ROBO2: variants seen among roughly 807,000 people sequenced by gnomAD.
The protein encoded by ROBO2 is roundabout guidance receptor 2.
A neutral mutation model predicts 160.8 loss-of-function variants in ROBO2; 53 were observed. That is an observed-to-expected ratio of 0.33 (90% CI 0.26 to 0.41). The LOEUF (loss-of-function observed/expected upper bound fraction) is 0.41, where lower values mean the gene tolerates loss of function less well. ROBO2 is among the 10% of genes least tolerant of loss of function. ROBO2 has a pLI of 1.00. For missense variants in ROBO2, 1,577 were observed against 1,722.4 expected (o/e 0.92, Z 1.49); for synonymous variants, 664 against 611.7 (o/e 1.09, Z -1.26).
At chr3:76,090,765 A>G (rs953913424) in intron 2 of ROBO2, among the ~76,000 whole-genome samples, 8 of 152,194 alleles carry the variant, frequency 5.3e-5, no homozygotes, top group Non-Finnish European at 1.2e-4. Context: ...ACGGAACGGA[A>G]CGGAACGGGA....
chr3:76,478,473 T>C (rs1292845524), intron 2 of ROBO2, among the ~76,000 whole-genome samples: 1 of 151,874 alleles, frequency 6.6e-6, no homozygotes, highest in African/African-American at 2.4e-5. Flanking sequence ...GAAAACTGGC[T>C]AGCCATACGT....
intron 2 of ROBO2, among the ~76,000 whole-genome samples, chr3:76,085,323 GT>G (rs1465199473): frequency 6.6e-6 from 1 of 152,044 alleles, no homozygotes; most frequent in Non-Finnish European, 1.5e-5. Flanking sequence ...TGCTATGCAA[GT>G]TTGTGTTCTT....
intron 2 of ROBO2, among the ~76,000 whole-genome samples, chr3:76,711,591 T>C (rs2107607551): frequency 6.6e-6 from 1 of 152,298 alleles, no homozygotes; most frequent in Non-Finnish European, 1.5e-5. Context: ...ATTAAGCACC[T>C]GTCAAATGGC....
At chr3:76,127,795 G>A (rs906420446) in intron 2 of ROBO2, among the ~76,000 whole-genome samples, 7 of 149,974 alleles carry the variant, frequency 4.7e-5, no homozygotes, top group Non-Finnish European at 8.9e-5. Context: ...TAAGAAACCT[G>A]TTTTACAAAA....
chr3:77,596,689 G>A (rs757052643), exon 19 of ROBO2: 4 of 1,613,858 alleles, frequency 2.5e-6, no homozygotes, highest in Middle Eastern at 1.7e-4. Context: ...GGCCAGCCAC[G>A]AGCTTGCCAG....
At chr3:77,206,075 C>G (rs981161623) in intron 2 of ROBO2, among the ~76,000 whole-genome samples, 2 of 152,096 alleles carry the variant, frequency 1.3e-5, no homozygotes, top group African/African-American at 2.4e-5. Context: ...CTGCGTAACT[C>G]CGGTCTCTGC....
At chr3:76,763,761 T>G (rs1019498268) in intron 2 of ROBO2, among the ~76,000 whole-genome samples, 2 of 151,634 alleles carry the variant, frequency 1.3e-5, no homozygotes, top group African/African-American at 4.8e-5. Context: ...GGAATCGTAT[T>G]CAGTGGACCT....
At chr3:75,997,972 T>C (rs1055900889) in intron 2 of ROBO2, among the ~76,000 whole-genome samples, 1 of 152,178 alleles carries the variant, frequency 6.6e-6, no homozygotes, top group African/African-American at 2.4e-5. Flanking sequence ...ATTTCCAAAG[T>C]CTTATGACAT....
At chr3:77,187,632 AT>A (rs1239528882) in intron 2 of ROBO2, among the ~76,000 whole-genome samples, 1 of 151,802 alleles carries the variant, frequency 6.6e-6, no homozygotes, top group Non-Finnish European at 1.5e-5. Context: ...ACATATTAGT[AT>A]TTTTTGAAAA....
chr3:76,867,953 T>A (rs1221096247), intron 2 of ROBO2, among the ~76,000 whole-genome samples: 1 of 152,208 alleles, frequency 6.6e-6, no homozygotes, highest in Admixed American at 6.5e-5. Context: ...CCCTCCAAGA[T>A]GAATGTTTTC....
At chr3:77,082,480 A>G (rs2149940926) in intron 1 of ROBO2, among the ~76,000 whole-genome samples, 2 of 152,232 alleles carry the variant, frequency 1.3e-5, no homozygotes, top group East Asian at 1.9e-4. Context: ...CCCTGTGAGG[A>G]TAACTAAAGA....
intron 2 of ROBO2, among the ~76,000 whole-genome samples, chr3:76,292,293 C>T (rs1453821558): frequency 6.6e-6 from 1 of 152,104 alleles, no homozygotes; most frequent in African/African-American, 2.4e-5. Context: ...TTGTTAGCAC[C>T]ACACGAATTA....
intron 1 of ROBO2, among the ~76,000 whole-genome samples, chr3:77,072,343 A>C (rs1296623707): frequency 6.6e-6 from 1 of 152,160 alleles, no homozygotes; most frequent in Non-Finnish European, 1.5e-5. Context: ...TGCACAGTAA[A>C]TGTAATGCTC....
intron 2 of ROBO2, among the ~76,000 whole-genome samples, chr3:77,020,959 C>A (rs6762635): frequency 0.14 from 20,592 of 152,038 alleles, 1,520 homozygotes; most frequent in East Asian, 0.25. Context: ...AATCCAGACA[C>A]TTTGGTAGGC....
chr3:76,011,301 T>G (rs900129649), intron 2 of ROBO2, among the ~76,000 whole-genome samples: 1 of 152,178 alleles, frequency 6.6e-6, no homozygotes, highest in African/African-American at 2.4e-5. Context: ...ATTGTTGAGA[T>G]GCTGCCAGCC....
At chr3:75,939,866 T>G (rs1947963923) in intron 2 of ROBO2, among the ~76,000 whole-genome samples, 1 of 152,140 alleles carries the variant, frequency 6.6e-6, no homozygotes, top group Admixed American at 6.6e-5. Context: ...AGCTCCTTAT[T>G]ATTGTCAAGA....
chr3:76,144,542 G>T (rs552552377), intron 2 of ROBO2, among the ~76,000 whole-genome samples: 1 of 152,064 alleles, frequency 6.6e-6, no homozygotes, highest in Non-Finnish European at 1.5e-5. Flanking sequence ...ACATCCCTAT[G>T]TGAATTAATT....
At chr3:76,436,554 AC>A (rs1454226744) in intron 2 of ROBO2, among the ~76,000 whole-genome samples, 1 of 152,050 alleles carries the variant, frequency 6.6e-6, no homozygotes, top group Non-Finnish European at 1.5e-5. Context: ...AAAATAGGCA[AC>A]TTTTTTTTTT....
At chr3:77,483,449 A>G (rs372381704) in intron 4 of ROBO2, among the ~76,000 whole-genome samples, 135 of 152,090 alleles carry the variant, frequency 8.9e-4, no homozygotes, top group African/African-American at 2.9e-3. Context: ...ATTTTCCAAT[A>G]CAACTCTTTA....
Sources: gnomAD v4.1 joint callset for allele counts (sites outside exome capture counted in the v4.1 genomes callset) on GRCh38, gnomAD v4.1.1 for gene constraint, MANE v1.5 for transcripts, NCBI Gene and HGNC (gene_info 2026-07-23, HGNC 2026-07-21) for gene names.